PHACTR1: variants seen among roughly 807,000 people sequenced by gnomAD.
The protein encoded by PHACTR1 is phosphatase and actin regulator 1, also known as RPEL repeat containing 1.
A neutral mutation model predicts 69.2 loss-of-function variants in PHACTR1; 16 were observed. The ratio of observed to expected loss-of-function variants is 0.23; its 90% CI spans 0.16 to 0.35. The LOEUF (loss-of-function observed/expected upper bound fraction) is 0.35, where lower values mean the gene tolerates loss of function less well. Ranked by LOEUF, PHACTR1 falls within the 10% of genes least tolerant of loss-of-function variation. PHACTR1 has a pLI of 1.00. For missense variants in PHACTR1, 510 were observed against 734.7 expected, an observed-to-expected ratio of 0.69 and a Z score of 3.54; for synonymous variants, 312 against 284.5, an observed-to-expected ratio of 1.10 and a Z score of -0.97.
chr6:13,214,444 G>A (rs185006467), intron 8 of PHACTR1, among the ~76,000 whole-genome samples: 25 of 152,232 alleles, frequency 1.6e-4, no homozygotes, highest in African/African-American at 4.1e-4. Flanking sequence ...GAAGTACATC[G>A]TCCCTTCTTA....
intron 4 of PHACTR1, among the ~76,000 whole-genome samples, chr6:13,046,563 G>A (rs75972939): frequency 0.018 from 2,794 of 152,222 alleles, 76 homozygotes; most frequent in African/African-American, 0.063. Context: ...CTCAGGCATC[G>A]TGTCTGTGTT....
At chr6:13,286,316 T>A in intron 14 of PHACTR1, 94 bp downstream of exon 14, 2 of 1,060,824 alleles carry the variant, frequency 1.9e-6, no homozygotes, top group Non-Finnish European at 2.7e-6. Context: ...CATGAGTGGG[T>A]TGGAGGGTGC....
At chr6:13,279,841 G>A (rs957229519) in intron 12 of PHACTR1, 2 of 152,162 alleles carry the variant, frequency 1.3e-5, no homozygotes, top group Admixed American at 6.5e-5. Context: ...AGATGCATTA[G>A]CTTTTTCTCA....
At chr6:12,819,024 A>G (rs1308340866) in intron 4 of PHACTR1, among the ~76,000 whole-genome samples, 2 of 152,190 alleles carry the variant, frequency 1.3e-5, no homozygotes, top group African/African-American at 4.8e-5. Context: ...CAACACTACA[A>G]CTGCACCTTT....
intron 5 of PHACTR1, among the ~76,000 whole-genome samples, chr6:13,098,849 T>A (rs977296703): frequency 2.0e-5 from 3 of 152,210 alleles, no homozygotes; most frequent in African/African-American, 7.2e-5. Context: ...TCCTAGGCTA[T>A]CTCTTGCCTG....
intron 3 of PHACTR1, among the ~76,000 whole-genome samples, chr6:12,730,595 T>C (rs924061677): frequency 5.9e-5 from 9 of 152,178 alleles, no homozygotes; most frequent in African/African-American, 2.2e-4. Context: ...AAATAGACCT[T>C]CCTTTTTAAA....
intron 4 of PHACTR1, among the ~76,000 whole-genome samples, chr6:13,048,763 C>T (rs1805488558): frequency 6.6e-6 from 1 of 152,192 alleles, no homozygotes; most frequent in South Asian, 2.1e-4. Context: ...AACTCCTGAC[C>T]TCAGGTGATC....
In PHACTR1 at chr6:13,287,205, AG is replaced by A; in HGVS notation, c.*128del. On this transcript the variant is annotated 3_prime_UTR_variant, in exon 15 of 15. Transcript: ENST00000332995. ...CTGAACTGCCTTTTTTTTAAAAAGA[AG>A]AAAAATCAAGGAAACACAATCAGGA... 1 of 971,398 alleles carries A rather than the reference AG, an allele frequency of 1.0e-6. No homozygotes were observed. The highest frequency in any genetic ancestry group is 1.5e-6 in the Non-Finnish European group (1 of 663,574). The allele number at this position is 971,398 out of a possible 1,614,324, so 60.2% of individuals were successfully genotyped here.
intron 5 of PHACTR1, among the ~76,000 whole-genome samples, chr6:13,157,645 A>G (rs1343737894): frequency 6.6e-6 from 1 of 152,186 alleles, no homozygotes; most frequent in Non-Finnish European, 1.5e-5. Context: ...GCTGTAGACC[A>G]GGTCTCTCCA....
chr6:13,125,295 T>A (rs1819363644), intron 5 of PHACTR1, among the ~76,000 whole-genome samples: 1 of 152,320 alleles, frequency 6.6e-6, no homozygotes, highest in Admixed American at 6.5e-5. Context: ...AATTCTCAAA[T>A]ATCTGTTCTG....
chr6:13,085,325 C>T (rs1284042120), intron 5 of PHACTR1, among the ~76,000 whole-genome samples: 2 of 151,658 alleles, frequency 1.3e-5, no homozygotes, highest in East Asian at 3.9e-4. Flanking sequence ...TCAAAATTAA[C>T]CATAAAAAAA....
intron 10 of PHACTR1, among the ~76,000 whole-genome samples, chr6:13,258,462 G>T (rs142884143): frequency 1.8e-4 from 27 of 152,276 alleles, no homozygotes; most frequent in African/African-American, 4.8e-4. Flanking sequence ...ATTCTAAGGT[G>T]CTACGGGAAT....
At chr6:12,823,554 T>C (rs1776443802) in intron 4 of PHACTR1, among the ~76,000 whole-genome samples, 1 of 152,232 alleles carries the variant, frequency 6.6e-6, no homozygotes, top group South Asian at 2.1e-4. Flanking sequence ...CAGATCTGTC[T>C]TGTAGATTTT....
chr6:12,835,116 T>A lies in PHACTR1; in HGVS notation c.250+85326T>A, dbSNP rs199539296. On this transcript the variant is annotated intron_variant, in intron 4 of 14. Coordinates refer to ENST00000332995, the MANE Select transcript of PHACTR1 (RefSeq NM_030948.6). ...GCAGAGCAAAGGCAGGCATCCCAAA[T>A]GGAGAGAACCTGAGGAGAGTGCAGA... Among the ~76,000 whole-genome samples, 4 of 152,154 alleles carry A rather than the reference T, an allele frequency of 2.6e-5. No homozygotes were observed. In the East Asian group the frequency reaches 7.7e-4, roughly 29 times the overall value.
intron 4 of PHACTR1, among the ~76,000 whole-genome samples, chr6:12,850,077 G>A (rs1268480884): frequency 6.6e-6 from 1 of 152,128 alleles, no homozygotes; most frequent in African/African-American, 2.4e-5. Context: ...GCCATGTCAT[G>A]GTATTTGACT....
At chr6:12,938,621 CAT>C (rs10565810) in intron 4 of PHACTR1, among the ~76,000 whole-genome samples, 2,039 of 152,224 alleles carry the variant, frequency 0.013, 56 homozygotes, top group African/African-American at 0.046. Context: ...AAGCTTTTAA[CAT>C]ATATATACAC....
chr6:13,269,992 T>A (rs1404428660), intron 10 of PHACTR1, among the ~76,000 whole-genome samples: 1 of 152,184 alleles, frequency 6.6e-6, no homozygotes, highest in African/African-American at 2.4e-5. Flanking sequence ...TTCTGACCCT[T>A]TCTACTGGGA....
chr6:13,022,828 G>A (rs1801163301), intron 4 of PHACTR1, among the ~76,000 whole-genome samples: 1 of 151,986 alleles, frequency 6.6e-6, no homozygotes. Context: ...ACCAGCCTGG[G>A]CAACATGGCG....
At chr6:12,989,949 G>T (rs1796626028) in intron 4 of PHACTR1, among the ~76,000 whole-genome samples, 1 of 152,170 alleles carries the variant, frequency 6.6e-6, no homozygotes, top group African/African-American at 2.4e-5. Context: ...TGTTCTAAAG[G>T]AGTGTCTTTC....
Sources: allele counts gnomAD v4.1 joint callset (sites outside exome capture counted in the v4.1 genomes callset), GRCh38; gene constraint gnomAD v4.1.1; transcripts MANE v1.5; gene names NCBI Gene and HGNC (gene_info 2026-07-23, HGNC 2026-07-21).